PIK3R4: variants seen among roughly 807,000 people sequenced by gnomAD.
The protein encoded by PIK3R4 is phosphoinositide 3-kinase regulatory subunit 4.
A neutral mutation model predicts 136.5 loss-of-function variants in PIK3R4; 46 were observed. The observed-to-expected ratio is 0.34, with a 90% confidence interval of 0.27 to 0.43. PIK3R4 has a LOEUF of 0.43. Ranked by LOEUF, PIK3R4 falls within the 20% of genes least tolerant of loss-of-function variation. The probability of loss-of-function intolerance (pLI) is 1.00; values close to 1 mark genes in which losing one functional copy is unlikely to be tolerated. For missense variants in PIK3R4, 1,331 were observed against 1,649.5 expected (o/e 0.81, Z 3.35); for synonymous variants, 557 against 566.7 (o/e 0.98, Z 0.24).
At chr3:130,736,081 C>T in intron 2 of PIK3R4, 79 bp from the exon 3 acceptor site, 2 of 1,139,490 alleles carry the variant, frequency 1.8e-6, no homozygotes, top group South Asian at 3.4e-5. Context: ...TCAGACAGTT[C>T]ATAAAACCCA....
intron 13 of PIK3R4, among the ~76,000 whole-genome samples, chr3:130,694,839 GA>G (rs1393249499): frequency 6.6e-6 from 1 of 152,042 alleles, no homozygotes; most frequent in East Asian, 1.9e-4. Context: ...GGCAAAAGTG[GA>G]CATTCTTGTC....
chr3:130,745,344 T>A (rs1157097682), intron 1 of PIK3R4, 80 bp from the exon 2 acceptor site: 4 of 1,010,822 alleles, frequency 4.0e-6, no homozygotes, highest in Non-Finnish European at 5.6e-6. Flanking sequence ...TTATTTGGTC[T>A]CTTCCAAAAA....
At chr3:130,693,754 C>T (rs772334387) in intron 13 of PIK3R4, among the ~76,000 whole-genome samples, 28 of 152,060 alleles carry the variant, frequency 1.8e-4, no homozygotes, top group Non-Finnish European at 4.0e-4. Context: ...TAGAGTCCTT[C>T]GAAGCACAAA....
chr3:130,723,308 C>G, intron 7 of PIK3R4, 106 bp downstream of exon 7: 1 of 924,708 alleles, frequency 1.1e-6, no homozygotes. Context: ...AGTAGGAACC[C>G]CACACAATCA....
intron 6 of PIK3R4, among the ~76,000 whole-genome samples, chr3:130,727,857 T>G (rs1157825982): frequency 6.6e-6 from 1 of 152,144 alleles, no homozygotes; most frequent in Admixed American, 6.5e-5. Context: ...TGAATACAAA[T>G]GTAATATAAG....
intron 6 of PIK3R4, among the ~76,000 whole-genome samples, chr3:130,724,662 G>A (rs1180299206): frequency 1.3e-5 from 2 of 152,026 alleles, no homozygotes; most frequent in Non-Finnish European, 2.9e-5. Flanking sequence ...ATCTTGTACT[G>A]CAAATCAGAG....
Position 130,739,571 on chromosome 3 carries a change from C to A in PIK3R4, c.734-3569G>T, listed in dbSNP as rs938258939. Reference sequence around the variant, plus strand: ...CATTTTTTGTAGAGACAGGGTTTCACCATATTGTCCAGGCTGGTCTTGAAC... The same window carrying A: ...CATTTTTTGTAGAGACAGGGTTTCAACATATTGTCCAGGCTGGTCTTGAAC... On this transcript the variant is annotated intron_variant, in intron 2 of 19. Transcript: ENST00000356763. 1.3e-5 allele frequency among the ~76,000 whole-genome samples: 2 copies of A among 151,910 alleles called. 1 individual carries two copies. Among genetic ancestry groups the A allele is most frequent in the South Asian group, 4.1e-4 (2 of 4,822 alleles).
chr3:130,736,188 G>C (rs934629986), intron 2 of PIK3R4, among the ~76,000 whole-genome samples, 186 bp from the exon 3 acceptor site: 1 of 152,072 alleles, frequency 6.6e-6, no homozygotes, highest in South Asian at 2.1e-4. Flanking sequence ...CCGAACACTG[G>C]TTTCTAAAGT....
At chr3:130,740,031 T>C (rs1349491826) in intron 2 of PIK3R4, among the ~76,000 whole-genome samples, 1 of 152,222 alleles carries the variant, frequency 6.6e-6, no homozygotes, top group Non-Finnish European at 1.5e-5. Context: ...TGGCAACTCC[T>C]GATTCTGATA....
intron 11 of PIK3R4, among the ~76,000 whole-genome samples, chr3:130,706,118 T>C (rs1020299386): frequency 1.3e-5 from 2 of 152,246 alleles, no homozygotes; most frequent in East Asian, 1.9e-4. Flanking sequence ...TTATTTAAGA[T>C]ATGACTGACT....
chr3:130,721,331 C>T (rs964420718), intron 7 of PIK3R4, among the ~76,000 whole-genome samples: 6 of 146,068 alleles, frequency 4.1e-5, no homozygotes, highest in East Asian at 2.0e-4. Context: ...AGCGAGACTC[C>T]GTCTCAAAAA....
chr3:130,700,056 T>TTA (rs1310462698), intron 13 of PIK3R4, among the ~76,000 whole-genome samples: 3 of 152,250 alleles, frequency 2.0e-5, no homozygotes, highest in Non-Finnish European at 4.4e-5. Flanking sequence ...CTACATATTC[T>TTA]TTTCATAAGT....
intron 13 of PIK3R4, among the ~76,000 whole-genome samples, chr3:130,696,752 T>G (rs896754879): frequency 1.3e-5 from 2 of 152,186 alleles, no homozygotes; most frequent in African/African-American, 4.8e-5. Flanking sequence ...TACTGATACC[T>G]GTTAAATCTG....
Position 130,690,539 on chromosome 3 carries a change from C to T in PIK3R4, c.3214G>A (p.Glu1072Lys). 1.2e-6 allele frequency: 2 copies of T among 1,613,590 alleles called. No homozygotes were observed. Among genetic ancestry groups the T allele is most frequent in the Non-Finnish European group, 1.7e-6 (2 of 1,179,596 alleles). ...DNGAVQLLGIEASKLPKSPKI... is the reference protein window; with the variant it reads ...DNGAVQLLGIKASKLPKSPKI... The stretch of plus-strand genomic sequence containing the variant: ...GGAGACTTGGGCAGCTTAGAAGCCT[C>T]AATTCCAAGAAGCTGGACAGCACCA... The change falls in exon 14 of 20, where the codon GAG (glutamate) becomes AAG (lysine). Residue 1072 changes from glutamate to lysine, a missense_variant. Glu to Lys is a moderately conservative substitution (Grantham distance 56). Transcript: ENST00000356763.
chr3:130,686,046 A>G (rs535315758), intron 15 of PIK3R4, among the ~76,000 whole-genome samples, 165 bp downstream of exon 15: 40 of 152,106 alleles, frequency 2.6e-4, no homozygotes, highest in African/African-American at 9.2e-4. Flanking sequence ...CTGTTTTTTA[A>G]TGAAAAAAAA....
intron 10 of PIK3R4, among the ~76,000 whole-genome samples, chr3:130,707,489 T>C (rs1048890673): frequency 3.9e-5 from 6 of 152,240 alleles, no homozygotes; most frequent in Admixed American, 2.6e-4. Flanking sequence ...TTCATATATA[T>C]GCATTCTATT....
chr3:130,717,868 A>G (rs1267930126), intron 8 of PIK3R4, among the ~76,000 whole-genome samples: 1 of 152,224 alleles, frequency 6.6e-6, no homozygotes, highest in Non-Finnish European at 1.5e-5. Context: ...TAGGTGAATA[A>G]TATTTGCCCT....
intron 6 of PIK3R4, among the ~76,000 whole-genome samples, chr3:130,726,706 T>C (rs910391470): frequency 1.3e-5 from 2 of 152,048 alleles, no homozygotes; most frequent in African/African-American, 4.8e-5. Context: ...CTAAGTTTTA[T>C]TTCCAAAAGT....
intron 9 of PIK3R4, among the ~76,000 whole-genome samples, chr3:130,714,955 A>C (rs957776952): frequency 6.6e-6 from 1 of 152,082 alleles, no homozygotes; most frequent in East Asian, 1.9e-4. Flanking sequence ...TCCTTTGGGT[A>C]TATGTCCAGT....
Sources: allele counts gnomAD v4.1 joint callset (sites outside exome capture counted in the v4.1 genomes callset), GRCh38; gene constraint gnomAD v4.1.1; transcripts MANE v1.5; gene names NCBI Gene and HGNC (gene_info 2026-07-23, HGNC 2026-07-21).